GAS2: variants seen among roughly 807,000 people sequenced by gnomAD.
The protein encoded by GAS2 is growth arrest-specific protein 2.
In GAS2, 20 loss-of-function variants were observed where a neutral mutation model predicts 37.5. The ratio of observed to expected loss-of-function variants is 0.53; its 90% CI spans 0.37 to 0.77. The LOEUF (loss-of-function observed/expected upper bound fraction) is 0.77, where lower values mean the gene tolerates loss of function less well. Among genes scored for constraint, GAS2 ranks in the 30% least tolerant of loss-of-function variants. GAS2 has a pLI of 0.00. For missense variants in GAS2, 336 were observed against 373.4 expected (o/e 0.90, Z 0.82); for synonymous variants, 144 against 132.2 (o/e 1.09, Z -0.61).
chr11:22,779,451 A>G (rs1855438924), intron 7 of GAS2, among the ~76,000 whole-genome samples: 2 of 152,190 alleles, frequency 1.3e-5, no homozygotes, highest in African/African-American at 4.8e-5. Flanking sequence ...TAATCCCAGC[A>G]CTTTGGGAGG....
chr11:22,698,378 T>C (rs1850653155), intron 3 of GAS2, among the ~76,000 whole-genome samples: 2 of 151,946 alleles, frequency 1.3e-5, no homozygotes, highest in Admixed American at 1.3e-4. Flanking sequence ...CAATAATCAA[T>C]AGCTTACCAA....
chr11:22,744,209 C>A (rs114854928), intron 5 of GAS2, among the ~76,000 whole-genome samples: 2,098 of 152,126 alleles, frequency 0.014, 56 homozygotes, highest in African/African-American at 0.048. Flanking sequence ...CAGCTAAATT[C>A]TACCAGACAT....
intron 7 of GAS2, among the ~76,000 whole-genome samples, chr11:22,776,089 T>C (rs1481265761): frequency 6.6e-6 from 1 of 152,220 alleles, no homozygotes; most frequent in Non-Finnish European, 1.5e-5. Context: ...TTACCTTGTA[T>C]TGTGCCTGTT....
chr11:22,631,396 G>C (rs1858743152), intron 1 of GAS2, among the ~76,000 whole-genome samples: 1 of 152,046 alleles, frequency 6.6e-6, no homozygotes. Flanking sequence ...GATGAAAGTG[G>C]ACATCTTTGT....
At chr11:22,652,160 G>A (rs1848784354) in intron 1 of GAS2, among the ~76,000 whole-genome samples, 1 of 152,114 alleles carries the variant, frequency 6.6e-6, no homozygotes, top group Admixed American at 6.5e-5. Flanking sequence ...AGATAGACAG[G>A]TCTGTTGGAG....
chr11:22,781,445 A>G (rs576351315), intron 7 of GAS2, among the ~76,000 whole-genome samples: 1 of 152,340 alleles, frequency 6.6e-6, no homozygotes, highest in African/African-American at 2.4e-5. Flanking sequence ...CCTGATTCAG[A>G]CTTTTCATTC....
chr11:22,683,258 C>T (rs1204035306), intron 2 of GAS2, among the ~76,000 whole-genome samples: 7 of 151,272 alleles, frequency 4.6e-5, no homozygotes, highest in Non-Finnish European at 1.0e-4. Context: ...TTGTTCCAGT[C>T]GGATTTTATT....
At chr11:22,678,158 T>C (rs1396708258) in intron 2 of GAS2, among the ~76,000 whole-genome samples, 1 of 152,156 alleles carries the variant, frequency 6.6e-6, no homozygotes, top group Admixed American at 6.6e-5. Context: ...GTTACTCTCA[T>C]GGCAACTTGA....
chr11:22,786,716 C>A (rs892922106), intron 7 of GAS2, among the ~76,000 whole-genome samples: 1 of 152,078 alleles, frequency 6.6e-6, no homozygotes, highest in Non-Finnish European at 1.5e-5. Flanking sequence ...AAATTGACCA[C>A]AAAAGTAGAT....
chr11:22,652,787 C>A (rs548499320), intron 1 of GAS2, among the ~76,000 whole-genome samples: 1 of 152,190 alleles, frequency 6.6e-6, no homozygotes, highest in Non-Finnish European at 1.5e-5. Context: ...GGCTCGCACA[C>A]GGTGCGCGCA....
chr11:22,697,929 C>A (rs547028502), intron 3 of GAS2, among the ~76,000 whole-genome samples: 77 of 152,184 alleles, frequency 5.1e-4, no homozygotes, highest in Non-Finnish European at 9.1e-4. Context: ...AATTGAATAC[C>A]CTTTATTTCC....
chr11:22,652,103 G>T (rs1848783853), intron 1 of GAS2, among the ~76,000 whole-genome samples: 1 of 152,132 alleles, frequency 6.6e-6, no homozygotes, highest in Non-Finnish European at 1.5e-5. Context: ...TTTTGGTGTG[G>T]ATGTCCTTTC....
intron 5 of GAS2, among the ~76,000 whole-genome samples, chr11:22,741,739 T>C (rs1264700371): frequency 6.6e-6 from 1 of 152,190 alleles, no homozygotes; most frequent in East Asian, 1.9e-4. Context: ...GAGAACATCA[T>C]ATACTTTCAC....
chr11:22,632,831 A>C (rs1211590998), intron 1 of GAS2, among the ~76,000 whole-genome samples: 1 of 151,418 alleles, frequency 6.6e-6, no homozygotes, highest in African/African-American at 2.4e-5. Context: ...TTTATTCCAC[A>C]TGGTCTAGTC....
At position 22,782,727 on chromosome 11, in the gene GAS2, C is replaced by CAA. The variant is rs34232571; in HGVS notation, c.723+26787_723+26788dup. Among the ~76,000 whole-genome samples the CAA allele has an allele frequency of 2.1e-3, 256 of 119,588 alleles. 2 individuals are homozygous for CAA. The highest frequency in any genetic ancestry group is 4.6e-3 in the African/African-American group (148 of 32,156). 78.5% of individuals were successfully genotyped at this position (119,588 alleles called of 152,430 possible). ...GCCTCCAGCTGCATCCATGTTGCTG[C>CAA]AAAAAAAAAAAAAATAATAATAATA... On this transcript the variant is annotated intron_variant, in intron 7 of 7. Transcript: ENST00000454584.
intron 4 of GAS2, among the ~76,000 whole-genome samples, chr11:22,736,125 G>A (rs1455942990): frequency 1.3e-5 from 2 of 151,930 alleles, no homozygotes; most frequent in African/African-American, 4.8e-5. Context: ...ATTGATGCCT[G>A]TGTGGCATTA....
chr11:22,689,270 C>T (rs1444866519), intron 3 of GAS2, among the ~76,000 whole-genome samples: 2 of 152,018 alleles, frequency 1.3e-5, no homozygotes, highest in African/African-American at 2.4e-5. Context: ...ATGTCCCCTC[C>T]GAACCTAAAA....
Position 22,685,764 on chromosome 11 carries a change from G to T in GAS2, c.242G>T (p.Ser81Ile). Residue 81 changes from serine to isoleucine, a missense_variant, in exon 3 of 8, where the codon AGC (serine) becomes ATC (isoleucine). Coordinates refer to ENST00000454584, the MANE Select transcript of GAS2 (RefSeq NM_001143830.3). ...ACTATGCAGGAGAAATTCAAGGAGA[G>T]CATGGATGCTAACAAGCCCACAAAG... ...AETMQEKFKE[S>I]MDANKPTKNL... is the part of the protein sequence containing the mutation. 2 of 1,613,590 alleles carry T rather than the reference G, an allele frequency of 1.2e-6. No homozygotes were observed. Among genetic ancestry groups the T allele is most frequent in the Non-Finnish European group, 1.7e-6 (2 of 1,179,796 alleles).
chr11:22,662,688 C>T (rs1848928148), upstream of GAS2, among the ~76,000 whole-genome samples: 1 of 151,602 alleles, frequency 6.6e-6, no homozygotes, highest in Non-Finnish European at 1.5e-5. Context: ...ACTTAGACAA[C>T]AGACGTCACA....
Sources: gnomAD v4.1 joint callset for allele counts (sites outside exome capture counted in the v4.1 genomes callset) on GRCh38, gnomAD v4.1.1 for gene constraint, MANE v1.5 for transcripts, NCBI Gene and HGNC (gene_info 2026-07-23, HGNC 2026-07-21) for gene names.